The following PIK3C2A variants were observed in gnomAD, a reference collection of about 807,000 sequenced individuals.
The protein encoded by PIK3C2A is phosphatidylinositol 4-phosphate 3-kinase C2 domain-containing subunit alpha.
In PIK3C2A, 97 loss-of-function variants were observed where a neutral mutation model predicts 204.5. The observed-to-expected ratio is 0.47, with a 90% CI of 0.40 to 0.56. The LOEUF is 0.56. PIK3C2A is among the 20% of genes least tolerant of loss of function. The pLI, the probability that PIK3C2A is intolerant of heterozygous loss-of-function variation, is 0.00. For synonymous variants in PIK3C2A, 653 were observed against 664.4 expected, an observed-to-expected ratio of 0.98 and a Z score of 0.26; for missense variants, 1,735 against 1,969.2, an observed-to-expected ratio of 0.88 and a Z score of 2.25.
intron 1 of PIK3C2A, among the ~76,000 whole-genome samples, chr11:17,188,415 A>G (rs476890): frequency 0.25 from 36,843 of 146,554 alleles, 6,336 homozygotes; most frequent in East Asian, 0.38. Flanking sequence ...AGAAAGTGAT[A>G]GCCCTTTAAT....
intron 2 of PIK3C2A, among the ~76,000 whole-genome samples, chr11:17,167,242 G>C (rs760806883): frequency 4.6e-5 from 7 of 152,110 alleles, no homozygotes; most frequent in Non-Finnish European, 1.0e-4. Context: ...CAAAGTGCTG[G>C]GATTATAAAC....
intron 1 of PIK3C2A, among the ~76,000 whole-genome samples, chr11:17,201,646 A>T (rs942350511): frequency 3.3e-5 from 5 of 151,890 alleles, no homozygotes; most frequent in Non-Finnish European, 7.4e-5. Context: ...AAATAACACT[A>T]TCCTTAACAC....
At chr11:17,197,564 A>G (rs1852204573) in intron 1 of PIK3C2A, among the ~76,000 whole-genome samples, 1 of 152,160 alleles carries the variant, frequency 6.6e-6, no homozygotes, top group African/African-American at 2.4e-5. Context: ...CTATGTCTGC[A>G]TATGTGTATC....
intron 28 of PIK3C2A, 49 bp downstream of exon 28, chr11:17,094,212 A>C: frequency 7.0e-7 from 1 of 1,437,290 alleles, no homozygotes; most frequent in Non-Finnish European, 9.6e-7. Context: ...ACATTTGATA[A>C]CAAGTTGTTT....
chr11:17,200,670 G>C (rs1338203268), intron 1 of PIK3C2A, among the ~76,000 whole-genome samples: 2 of 152,156 alleles, frequency 1.3e-5, no homozygotes, highest in Non-Finnish European at 2.9e-5. Flanking sequence ...TCTATATCTT[G>C]TATCTTAATT....
chr11:17,106,875 G>A (rs1264205792), intron 22 of PIK3C2A, among the ~76,000 whole-genome samples: 1 of 152,198 alleles, frequency 6.6e-6, no homozygotes, highest in Non-Finnish European at 1.5e-5. Context: ...GAACCTTCCA[G>A]AATACGTTAG....
intron 1 of PIK3C2A, among the ~76,000 whole-genome samples, chr11:17,179,220 G>A (rs932213103): frequency 1.3e-5 from 2 of 152,040 alleles, no homozygotes; most frequent in Admixed American, 6.6e-5. Context: ...GAAGTGCAGC[G>A]GCTCGATCAT....
rs767445023 is a variant in PIK3C2A at position 17,128,149 on chromosome 11, T to C, written c.2399+1151A>G. On this transcript the variant is annotated intron_variant, in intron 13 of 32. Coordinates refer to ENST00000691414, the MANE Select transcript of PIK3C2A (RefSeq NM_002645.4). ...TAGCACATAGTAAGTGCTACATAAG[T>C]GTTTGTTATTATAGTAAATATATTG... Among the ~76,000 whole-genome samples the C allele has an allele frequency of 9.2e-5, 14 of 152,300 alleles. No homozygotes were observed. The South Asian group carries it at 2.3e-3, about 25-fold the overall frequency.
At chr11:17,137,969 T>C (rs899959974) in intron 8 of PIK3C2A, 26 of 535,570 alleles carry the variant, frequency 4.9e-5, no homozygotes, top group Middle Eastern at 5.7e-4. Context: ...CAAAAAAGCT[T>C]CATCTTTTAT....
intron 2 of PIK3C2A, among the ~76,000 whole-genome samples, chr11:17,160,176 G>T (rs1157019266): frequency 6.6e-6 from 1 of 152,056 alleles, no homozygotes; most frequent in Non-Finnish European, 1.5e-5. Context: ...TTACTACAAG[G>T]GTCTAGATCA....
In PIK3C2A at chr11:17,167,676, C is replaced by T. The variant is rs116934522; in HGVS notation, c.1065+1001G>A. Among the ~76,000 whole-genome samples, 990 of 152,262 alleles carry T rather than the reference C, an allele frequency of 6.5e-3. 5 individuals carry two copies. The highest frequency in any genetic ancestry group is 8.8e-3 in the Non-Finnish European group (598 of 68,010). ...CAATTCAACATAAACCGATCCAAAT[C>T]ATGCAAAATCCATCCCTCCCTTCCC... is the stretch of plus-strand genomic sequence containing the variant. On this transcript the variant is annotated intron_variant, in intron 2 of 32. Coordinates refer to ENST00000691414, the MANE Select transcript of PIK3C2A (RefSeq NM_002645.4).
chr11:17,097,299 T>G, intron 26 of PIK3C2A, 35 bp from the exon 27 acceptor site: 1 of 1,261,046 alleles, frequency 7.9e-7, no homozygotes, highest in Non-Finnish European at 1.2e-6. Flanking sequence ...TAACAGTAAA[T>G]GAGAACACAT....
At chr11:17,102,303 G>A (rs1327881886) in intron 24 of PIK3C2A, among the ~76,000 whole-genome samples, 2 of 152,092 alleles carry the variant, frequency 1.3e-5, no homozygotes, top group South Asian at 2.1e-4. Context: ...CGGGCGTGGT[G>A]GCGGGCGCCT....
Position 17,122,786 on chromosome 11 carries a change from T to C in PIK3C2A, c.2427A>G (p.Leu809=), listed in dbSNP as rs376174997. Residue 809 remains leucine, a synonymous_variant, in exon 14 of 33, where the codon CTA becomes CTG. Coordinates refer to ENST00000691414, the MANE Select transcript of PIK3C2A (RefSeq NM_002645.4). ...KRFLTCGTKL[L]YLWTSSHTNS... is the part of the protein sequence containing the mutation. ...TTGTATGTGATGAAGTCCAAAGATA[T>C]AGAAGTTTAGTTCCACATGTTAAAA... 3.8e-5 allele frequency: 58 copies of C among 1,517,782 alleles called. No homozygotes were observed. Among genetic ancestry groups the C allele is most frequent in the Middle Eastern group, 1.7e-4 (1 of 5,906 alleles). 94.0% of individuals were successfully genotyped at this position (1,517,782 alleles called of 1,614,324 possible). A position where few individuals can be genotyped will look rare whatever the true frequency, so the allele number is the denominator to read the frequency against.
intron 3 of PIK3C2A, among the ~76,000 whole-genome samples, chr11:17,152,909 G>A (rs1338533005): frequency 1.3e-5 from 2 of 152,082 alleles, no homozygotes; most frequent in Non-Finnish European, 2.9e-5. Flanking sequence ...AGTCAGCACT[G>A]TTTAGAATAA....
Position 17,091,600 on chromosome 11 carries a change from T to C in PIK3C2A, c.4699A>G (p.Ile1567Val). The C allele has an allele frequency of 5.0e-6, 8 of 1,613,546 alleles. No individual in the cohort carries two copies. The highest frequency in any genetic ancestry group is 1.1e-5 in the South Asian group (1 of 91,054). The change falls in exon 31 of 33, where the codon ATC (isoleucine) becomes GTC (valine). Residue 1567 changes from isoleucine to valine, a missense_variant. Around this residue, in one of 6 missense-constraint regions of PIK3C2A, gnomAD observed 503 missense variants for 669.0 expected, o/e 0.75. Coordinates refer to ENST00000691414, the MANE Select transcript of PIK3C2A (RefSeq NM_002645.4). ...GQIGGAVKLS[I>V]SYRNGTLFIM... The stretch of plus-strand genomic sequence containing the variant: ...AAAAGAGTACCATTTCGGTAAGAGA[T>C]GGATAATTTCACAGCTCCTCCTATT...
chr11:17,202,330 T>C (rs1852418333), intron 1 of PIK3C2A, among the ~76,000 whole-genome samples: 1 of 151,206 alleles, frequency 6.6e-6, no homozygotes, highest in South Asian at 2.1e-4. Context: ...CTTATGCCTG[T>C]AATCTCAGCG....
chr11:17,090,228 G>A (rs533460917), intron 32 of PIK3C2A, among the ~76,000 whole-genome samples: 1 of 152,332 alleles, frequency 6.6e-6, no homozygotes, highest in East Asian at 1.9e-4. Flanking sequence ...CAGCACTTTG[G>A]GAGGCTGAGG....
At position 17,130,747 on chromosome 11, in the gene PIK3C2A, C is replaced by G. The variant is rs190340954; in HGVS notation, c.2231+1169G>C. On this transcript the variant is annotated intron_variant, in intron 12 of 32. Coordinates refer to ENST00000691414, the MANE Select transcript of PIK3C2A (RefSeq NM_002645.4). ...ACTTGAACCCGGGAAGCTGAGGTTA[C>G]AGTGGGCCAAGATTGCACCACTGCA... Among the ~76,000 whole-genome samples the G allele has an allele frequency of 4.9e-5, 7 of 142,416 alleles. No homozygotes were observed. In the Admixed American group the frequency reaches 5.2e-4, roughly 11 times the overall value. The allele number at this position is 142,416 out of a possible 152,430, so 93.4% of individuals were successfully genotyped here.
Sources: allele counts gnomAD v4.1 joint callset (sites outside exome capture counted in the v4.1 genomes callset), GRCh38; gene constraint gnomAD v4.1.1; regional missense constraint gnomAD v4.1.1; transcripts MANE v1.5; gene names NCBI Gene and HGNC (gene_info 2026-07-23, HGNC 2026-07-21).